The following CREB5 variants were observed in gnomAD, a reference collection of about 807,000 sequenced individuals.
CREB5 encodes the protein cyclic AMP-responsive element-binding protein 5.
Under a neutral mutation model 57.1 loss-of-function variants are expected in CREB5, and 19 were observed. The observed-to-expected ratio is 0.33, with a 90% CI of 0.23 to 0.49. The LOEUF is 0.49. Among genes scored for constraint, CREB5 ranks in the 20% least tolerant of loss-of-function variants. The pLI, the probability that CREB5 is intolerant of heterozygous loss-of-function variation, is 0.99. For missense variants in CREB5, 579 were observed against 671.6 expected, an observed-to-expected ratio of 0.86 and a Z score of 1.52; for synonymous variants, 238 against 238.3, an observed-to-expected ratio of 1.00 and a Z score of 0.01.
At chr7:28,579,550 GTGCT>G (rs1796043315) in intron 5 of CREB5, among the ~76,000 whole-genome samples, 1 of 152,194 alleles carries the variant, frequency 6.6e-6, no homozygotes, top group South Asian at 2.1e-4. Flanking sequence ...ATGATGGAAT[GTGCT>G]TGGTTTGCTT....
At chr7:28,765,222 A>C (rs1156544054) in intron 7 of CREB5, among the ~76,000 whole-genome samples, 1 of 152,160 alleles carries the variant, frequency 6.6e-6, no homozygotes, top group Non-Finnish European at 1.5e-5. Flanking sequence ...ATTTGAGGTG[A>C]TGGTGGATAT....
chr7:28,802,980 C>T (rs1283325828), intron 7 of CREB5, among the ~76,000 whole-genome samples: 1 of 152,220 alleles, frequency 6.6e-6, no homozygotes, highest in Non-Finnish European at 1.5e-5. Context: ...TCTGCAGCTG[C>T]TTTTGCACCA....
chr7:28,436,980 C>T (rs965470262), intron 1 of CREB5, among the ~76,000 whole-genome samples: 5 of 152,176 alleles, frequency 3.3e-5, no homozygotes, highest in African/African-American at 1.2e-4. Context: ...CTACTTTCCC[C>T]AGGTTTCAAA....
At chr7:28,384,907 T>C (rs946514591) in intron 1 of CREB5, among the ~76,000 whole-genome samples, 1 of 152,182 alleles carries the variant, frequency 6.6e-6, no homozygotes, top group Non-Finnish European at 1.5e-5. Flanking sequence ...ATGTGAAAAT[T>C]CAAATGTGGC....
chr7:28,653,060 A>C (rs953621326), intron 5 of CREB5, among the ~76,000 whole-genome samples: 3 of 152,200 alleles, frequency 2.0e-5, no homozygotes, highest in African/African-American at 7.2e-5. Context: ...AAAGTGAGTA[A>C]CAAGTTGTGT....
At chr7:28,581,546 G>A (rs1796125592) in intron 5 of CREB5, among the ~76,000 whole-genome samples, 1 of 152,226 alleles carries the variant, frequency 6.6e-6, no homozygotes, top group East Asian at 1.9e-4. Context: ...ACGCCCTCAA[G>A]TATGGGTGTC....
chr7:28,409,639 A>T, upstream of CREB5: 1 of 273,438 alleles, frequency 3.7e-6, no homozygotes, highest in Non-Finnish European at 7.2e-6. The surrounding 1 kb of genome is among the most constrained non-coding windows in gnomAD (Gnocchi z 4.4). Flanking sequence ...CTGTGTTTGT[A>T]AACATTTTGG....
chr7:28,560,811 T>TGCGCGCGCGCGTGTGTGTGCGTGC (rs1795067380), intron 4 of CREB5, among the ~76,000 whole-genome samples: 2 of 34,414 alleles, frequency 5.8e-5, no homozygotes, highest in Admixed American at 2.6e-4. Flanking sequence ...TGTGTGCGCG[T>TGCGCGCGCGCGTGTGTGTGCGTGC]GTGTGTGTGT....
chr7:28,655,594 G>GA (rs1406248890), intron 5 of CREB5, among the ~76,000 whole-genome samples: 1 of 152,122 alleles, frequency 6.6e-6, no homozygotes, highest in Non-Finnish European at 1.5e-5. Context: ...CAGCCTGAGT[G>GA]ACAGAGACCT....
chr7:28,422,539 A>C (rs1256422680), intron 1 of CREB5, among the ~76,000 whole-genome samples: 1 of 152,198 alleles, frequency 6.6e-6, no homozygotes, highest in Non-Finnish European at 1.5e-5. Context: ...AATATTCATG[A>C]GAAGGTTCAT....
chr7:28,643,751 T>TCA (rs5883161), intron 5 of CREB5, among the ~76,000 whole-genome samples: 2 of 133,530 alleles, frequency 1.5e-5, no homozygotes, highest in Non-Finnish European at 3.2e-5. Context: ...GTTTGGGAGG[T>TCA]GGGGGGGGGC....
chr7:28,493,764 G>C (rs1231490018), intron 2 of CREB5, among the ~76,000 whole-genome samples: 1 of 152,166 alleles, frequency 6.6e-6, no homozygotes. Context: ...ACATTTGGGA[G>C]CAGCATTTTT....
At chr7:28,525,932 C>T (rs1793428203) in intron 4 of CREB5, among the ~76,000 whole-genome samples, 1 of 152,130 alleles carries the variant, frequency 6.6e-6, no homozygotes, top group Non-Finnish European at 1.5e-5. Context: ...AGTACTGTAG[C>T]TTGTATTCAG....
chr7:28,503,575 GT>G (rs1302520389), intron 3 of CREB5, among the ~76,000 whole-genome samples: 2 of 152,074 alleles, frequency 1.3e-5, no homozygotes, highest in Non-Finnish European at 2.9e-5. Context: ...AAAGAGAACA[GT>G]CATCCTAGCA....
At chr7:28,575,982 C>T (rs1795895073) in intron 5 of CREB5, among the ~76,000 whole-genome samples, 1 of 152,186 alleles carries the variant, frequency 6.6e-6, no homozygotes, top group Non-Finnish European at 1.5e-5. Flanking sequence ...TGTAACACCA[C>T]ATGGTATTGT....
At chr7:28,730,678 C>T (rs1260810510) in intron 7 of CREB5, among the ~76,000 whole-genome samples, 1 of 152,122 alleles carries the variant, frequency 6.6e-6, no homozygotes, top group Non-Finnish European at 1.5e-5. Context: ...GAGCACTTTA[C>T]AAATTGCAAA....
At chr7:28,403,863 G>A (rs541049046) in intron 1 of CREB5, among the ~76,000 whole-genome samples, 1 of 152,162 alleles carries the variant, frequency 6.6e-6, no homozygotes, top group East Asian at 1.9e-4. Flanking sequence ...GTCATGGTAT[G>A]TTTTATTTGC....
At chr7:28,501,082 G>A (rs963730053) in intron 3 of CREB5, among the ~76,000 whole-genome samples, 7 of 151,546 alleles carry the variant, frequency 4.6e-5, no homozygotes, top group Non-Finnish European at 8.8e-5. Context: ...TTTTTCATAT[G>A]AGGAAATAAG....
intron 1 of CREB5, 88 bp downstream of exon 1, chr7:28,413,005 A>G: frequency 8.3e-7 from 1 of 1,211,036 alleles, no homozygotes. Context: ...TCATAGATGG[A>G]ATTCAGAAAT....
Sources: gnomAD v4.1 joint callset for allele counts (sites outside exome capture counted in the v4.1 genomes callset) on GRCh38, gnomAD v4.1.1 for gene constraint, Gnocchi (gnomAD v3.1) non-coding constraint, MANE v1.5 for transcripts, NCBI Gene and HGNC (gene_info 2026-07-23, HGNC 2026-07-21) for gene names.